Variants in CDYL2 observed in about 807,000 individuals in gnomAD.
CDYL2 encodes chromodomain Y like 2, also known as chromodomain Y-like protein 2.
Under a neutral mutation model 49.4 loss-of-function variants are expected in CDYL2, and 23 were observed. That is an observed-to-expected ratio of 0.47 (90% confidence interval 0.34 to 0.66). CDYL2 has a LOEUF of 0.66. Ranked by LOEUF, CDYL2 falls within the 30% of genes least tolerant of loss-of-function variation. The pLI, the probability that CDYL2 is intolerant of heterozygous loss-of-function variation, is 0.01. For missense variants in CDYL2, 678 were observed against 656.4 expected (o/e 1.03, Z -0.36); for synonymous variants, 360 against 268.8 (o/e 1.34, Z -3.32).
chr16:80,731,912 T>TAAA (rs36094462), intron 1 of CDYL2, among the ~76,000 whole-genome samples: 1 of 144,224 alleles, frequency 6.9e-6, no homozygotes, highest in Non-Finnish European at 1.5e-5. Flanking sequence ...GCAGCACAGT[T>TAAA]AAAAAAAAAA....
At chr16:80,755,272 C>A (rs1200594038) in intron 1 of CDYL2, among the ~76,000 whole-genome samples, 1 of 152,152 alleles carries the variant, frequency 6.6e-6, no homozygotes, top group Non-Finnish European at 1.5e-5. Context: ...TGAATCTTAG[C>A]CTTTAATTAC....
intron 2 of CDYL2, among the ~76,000 whole-genome samples, chr16:80,677,783 A>C (rs1343449821): frequency 6.6e-6 from 1 of 151,826 alleles, no homozygotes; most frequent in African/African-American, 2.4e-5. Context: ...AAATAACCAA[A>C]AAAGAGCCCA....
chr16:80,750,137 T>C (rs1227379570), intron 1 of CDYL2, among the ~76,000 whole-genome samples: 1 of 151,906 alleles, frequency 6.6e-6, no homozygotes, highest in Non-Finnish European at 1.5e-5. Context: ...CTAATGTAAA[T>C]GACAAGTTAA....
chr16:80,736,577 C>T (rs1281047573), intron 1 of CDYL2: 2 of 152,134 alleles, frequency 1.3e-5, no homozygotes. Context: ...TGGCTGAACA[C>T]TGGGACTGTG....
At chr16:80,719,067 C>G (rs1393013676) in intron 1 of CDYL2, among the ~76,000 whole-genome samples, 2 of 152,288 alleles carry the variant, frequency 1.3e-5, no homozygotes, top group Non-Finnish European at 2.9e-5. Flanking sequence ...CCCAGGGACT[C>G]CTTGGAAGCG....
At chr16:80,743,536 T>G (rs918478113) in intron 1 of CDYL2, among the ~76,000 whole-genome samples, 1 of 152,236 alleles carries the variant, frequency 6.6e-6, no homozygotes, top group Non-Finnish European at 1.5e-5. Flanking sequence ...TTAAAACTTG[T>G]GTAGCCACAG....
chr16:80,646,186 A>G (rs115052626), intron 2 of CDYL2, among the ~76,000 whole-genome samples: 1,868 of 152,212 alleles, frequency 0.012, 38 homozygotes, highest in African/African-American at 0.042. Context: ...CCCTCCCACA[A>G]TATGTGGGAA....
At chr16:80,780,811 A>G (rs1369104738) in intron 1 of CDYL2, among the ~76,000 whole-genome samples, 1 of 152,182 alleles carries the variant, frequency 6.6e-6, no homozygotes, top group African/African-American at 2.4e-5. Context: ...AGAATAGCAG[A>G]CTAAGGATCT....
chr16:80,608,151 T>C lies in CDYL2; in HGVS notation c.1303A>G (p.Thr435Ala). The change falls in exon 6 of 7, where the codon ACC becomes GCC. Residue 435 changes from threonine (T) to alanine (A), a missense_variant. Physicochemically the swap from Thr to Ala is moderately conservative, Grantham distance 58. Coordinates refer to ENST00000570137, the MANE Select transcript of CDYL2 (RefSeq NM_152342.4). ...AGCATGACCTCCTGGCTGAACGTGGTGGGCCAGAAGACCTGCGACACCAGC... is the reference window on the plus strand; with the variant it reads ...AGCATGACCTCCTGGCTGAACGTGGCGGGCCAGAAGACCTGCGACACCAGC... Reference protein sequence around the residue: ...RGLVSQVFWPTTFSQEVMLRV... With the variant: ...RGLVSQVFWPATFSQEVMLRV... 6.2e-7 allele frequency: 1 copy of C among 1,605,694 alleles called. No homozygotes were observed. The highest frequency in any genetic ancestry group is 8.5e-7 in the Non-Finnish European group (1 of 1,176,336).
In CDYL2 at chr16:80,612,746, G is replaced by T. The variant is rs755744128; in HGVS notation, c.1098C>A (p.Pro366=). Residue 366 remains proline (P), a synonymous_variant, in exon 5 of 7, where the codon CCC becomes CCA. Transcript: ENST00000570137. The surrounding 1 kb of genome is among the most constrained non-coding windows in gnomAD (Gnocchi z 5.0). ...CACTGGCCCACACGATGTCACAGAG[G>T]GGCAGGATGGAGGCACCCAGGCCCA... ...PALGLGASIL[P]LCDIVWASEK... 30 of 1,613,762 alleles carry T rather than the reference G, an allele frequency of 1.9e-5. 1 individual carries two copies. In the South Asian group the frequency reaches 2.9e-4, roughly 15 times the overall value.
intron 2 of CDYL2, among the ~76,000 whole-genome samples, chr16:80,670,363 G>A (rs1404906214): frequency 6.6e-6 from 1 of 152,092 alleles, no homozygotes; most frequent in Non-Finnish European, 1.5e-5. Flanking sequence ...TTTTATAAGG[G>A]GCTTTCCCCC....
Position 80,601,320 on chromosome 16 carries a change from G to C in CDYL2, c.*3068C>G, listed in dbSNP as rs1906072713. ...ATGGCTAACAGGATGGGAGGGAGTGGATTGCTAGAAAGGTCCCTGACTAAA... is the reference window on the plus strand; with the variant it reads ...ATGGCTAACAGGATGGGAGGGAGTGCATTGCTAGAAAGGTCCCTGACTAAA... On this transcript the variant is annotated 3_prime_UTR_variant, in exon 7 of 7. Transcript: ENST00000570137. The C allele has an allele frequency of 6.6e-6, 1 of 152,238 alleles. No individual in the cohort carries two copies. The highest frequency in any genetic ancestry group is 2.1e-4 in the South Asian group (1 of 4,834). The allele number at this position is 152,238 out of a possible 1,614,324, so 9.4% of individuals were successfully genotyped here. A position where few individuals can be genotyped will look rare whatever the true frequency, so the allele number is the denominator to read the frequency against.
At chr16:80,734,898 G>C (rs1178831208) in intron 1 of CDYL2, among the ~76,000 whole-genome samples, 1 of 152,112 alleles carries the variant, frequency 6.6e-6, no homozygotes, top group Non-Finnish European at 1.5e-5. Context: ...GACAATCCTT[G>C]GTCCTCCCAG....
intron 2 of CDYL2, among the ~76,000 whole-genome samples, chr16:80,673,795 G>C (rs532287857): frequency 6.6e-6 from 1 of 152,180 alleles, no homozygotes; most frequent in Non-Finnish European, 1.5e-5. Flanking sequence ...ATTAAGTTAA[G>C]GATTTGGAGA....
At chr16:80,755,806 C>T (rs887411145) in intron 1 of CDYL2, among the ~76,000 whole-genome samples, 3 of 152,128 alleles carry the variant, frequency 2.0e-5, no homozygotes, top group South Asian at 4.1e-4. Context: ...TTTTATCAAA[C>T]GTACAACACC....
rs1431410108 is a variant in CDYL2, at chr16:80,703,124, A to G, written c.25-17995T>C. ...CAGAATTATCTCAACCATGTAGAATATGCACATACACACACACCTGGGCAA... is the reference window on the plus strand; with the variant it reads ...CAGAATTATCTCAACCATGTAGAATGTGCACATACACACACACCTGGGCAA... On this transcript the variant is annotated intron_variant, in intron 1 of 6. Transcript: ENST00000570137. Among the ~76,000 whole-genome samples, 3 of 152,240 alleles carry G rather than the reference A, an allele frequency of 2.0e-5. No individual in the cohort carries two copies. In the East Asian group the frequency reaches 5.8e-4, roughly 29 times the overall value.
At chr16:80,672,254 C>T (rs896628) in intron 2 of CDYL2, among the ~76,000 whole-genome samples, 74,720 of 150,812 alleles carry the variant, frequency 0.5, 20,898 homozygotes, top group Middle Eastern at 0.71. Context: ...TGGAAATAGA[C>T]GGAAACAGAC....
rs990165479 is a variant in CDYL2, at chr16:80,612,280, T to C, written c.1218+346A>G. ...AGAGTGTGGGTGGCCCCTACACCTA[T>C]GCTGGACCACTCAAGAGGATGAAGG... On this transcript the variant is annotated intron_variant, in intron 5 of 6. Coordinates refer to ENST00000570137, the MANE Select transcript of CDYL2 (RefSeq NM_152342.4). This position sits in a 1 kb window ranked among gnomAD's most constrained non-coding sequence, Gnocchi z 5.0. 6.6e-6 allele frequency among the ~76,000 whole-genome samples: 1 copy of C among 152,178 alleles called. No individual in the cohort carries two copies. Among genetic ancestry groups the C allele is most frequent in the Non-Finnish European group, 1.5e-5 (1 of 68,030 alleles).
At chr16:80,752,910 A>G (rs931751450) in intron 1 of CDYL2, among the ~76,000 whole-genome samples, 3 of 152,256 alleles carry the variant, frequency 2.0e-5, no homozygotes, top group African/African-American at 7.2e-5. Context: ...GAAGAAGGAA[A>G]TCTATCCCAT....
Sources: gnomAD v4.1 joint callset for allele counts (sites outside exome capture counted in the v4.1 genomes callset) on GRCh38, gnomAD v4.1.1 for gene constraint, Gnocchi (gnomAD v3.1) non-coding constraint, MANE v1.5 for transcripts, NCBI Gene and HGNC (gene_info 2026-07-23, HGNC 2026-07-21) for gene names.